The following STK3 variants were observed in gnomAD, a reference collection of about 807,000 sequenced individuals.
STK3 encodes serine/threonine-protein kinase 3.
Under a neutral mutation model 58.0 loss-of-function variants are expected in STK3, and 41 were observed. That is an observed-to-expected ratio of 0.71 (90% CI 0.55 to 0.92). The LOEUF is 0.92. Ranked by LOEUF, STK3 falls within the 40% of genes least tolerant of loss-of-function variation. The pLI is 0.00. For synonymous variants in STK3, 170 were observed against 191.0 expected, an observed-to-expected ratio of 0.89 and a Z score of 0.91; for missense variants, 479 against 602.7, an observed-to-expected ratio of 0.79 and a Z score of 2.15.
At chr8:98,476,405 G>A (rs1052672950) in intron 10 of STK3, among the ~76,000 whole-genome samples, 3 of 152,154 alleles carry the variant, frequency 2.0e-5, no homozygotes, top group Non-Finnish European at 2.9e-5. Flanking sequence ...ACACTGACAC[G>A]GGGTCACTGT....
intron 6 of STK3, among the ~76,000 whole-genome samples, chr8:98,660,183 A>G (rs796717370): frequency 3.3e-5 from 5 of 152,182 alleles, no homozygotes; most frequent in African/African-American, 1.2e-4. Context: ...AAAATACTCT[A>G]TGATTACACT....
chr8:98,410,629 C>T (rs1818043654), intron 3 of STK3, among the ~76,000 whole-genome samples: 1 of 152,156 alleles, frequency 6.6e-6, no homozygotes. Flanking sequence ...AACACTGACA[C>T]CATCTCTCTT....
chr8:98,446,437 G>A (rs1347024361), intron 1 of STK3, among the ~76,000 whole-genome samples: 1 of 152,192 alleles, frequency 6.6e-6, no homozygotes, highest in Non-Finnish European at 1.5e-5. Context: ...GTGCCAGGTA[G>A]TGTTTGAAGG....
intron 1 of STK3, among the ~76,000 whole-genome samples, chr8:98,793,984 G>A (rs927529801): frequency 6.6e-6 from 1 of 152,116 alleles, no homozygotes; most frequent in Non-Finnish European, 1.5e-5. Flanking sequence ...AAATCAAAAA[G>A]TTCTTTGAAA....
chr8:98,816,269 C>T (rs1834533769), intron 1 of STK3, among the ~76,000 whole-genome samples: 1 of 152,214 alleles, frequency 6.6e-6, no homozygotes, highest in African/African-American at 2.4e-5. Flanking sequence ...ATAATCCCAA[C>T]ACTTGGGGAG....
intron 1 of STK3, among the ~76,000 whole-genome samples, chr8:98,930,310 T>G (rs1221815379): frequency 6.6e-6 from 1 of 152,186 alleles, no homozygotes; most frequent in African/African-American, 2.4e-5. Flanking sequence ...AAACTGCAGC[T>G]GCCGCCCCAG....
At chr8:98,393,935 T>C in intron 3 of STK3, among the ~76,000 whole-genome samples, 1 of 152,222 alleles carries the variant, frequency 6.6e-6, no homozygotes, top group East Asian at 1.9e-4. Flanking sequence ...ATTTCTTTTA[T>C]AGCACTAACT....
chr8:98,857,715 A>C (rs1836733521), intron 3 of STK3, among the ~76,000 whole-genome samples: 1 of 152,260 alleles, frequency 6.6e-6, no homozygotes, highest in African/African-American at 2.4e-5. Context: ...ATAGAAGCTG[A>C]ATGAGTATTT....
chr8:98,755,822 C>A (rs575804792), intron 3 of STK3, among the ~76,000 whole-genome samples: 26 of 152,270 alleles, frequency 1.7e-4, no homozygotes, highest in Non-Finnish European at 2.6e-4. Context: ...ATTTTATCCT[C>A]AGTAGCTCTC....
chr8:98,503,082 C>A (rs1030806726), intron 10 of STK3, among the ~76,000 whole-genome samples: 7 of 152,072 alleles, frequency 4.6e-5, no homozygotes, highest in South Asian at 2.1e-4. Flanking sequence ...AATTTCAGAG[C>A]GTGTTATTGG....
At chr8:98,798,368 CAG>C (rs1329473255) in intron 1 of STK3, among the ~76,000 whole-genome samples, 1 of 152,126 alleles carries the variant, frequency 6.6e-6, no homozygotes, top group African/African-American at 2.4e-5. Flanking sequence ...ATATAATGTA[CAG>C]AGTTTCATCT....
At chr8:98,936,995 C>T (rs546906818) in intron 1 of STK3, among the ~76,000 whole-genome samples, 8 of 152,332 alleles carry the variant, frequency 5.3e-5, no homozygotes, top group African/African-American at 1.9e-4. Context: ...GGGGGCTTCT[C>T]ATACTGGTAT....
At chr8:98,679,139 C>A (rs1423958301) in intron 6 of STK3, among the ~76,000 whole-genome samples, 1 of 152,212 alleles carries the variant, frequency 6.6e-6, no homozygotes, top group Non-Finnish European at 1.5e-5. Flanking sequence ...AGTCTCCTAA[C>A]TAGTCTATGT....
intron 3 of STK3, among the ~76,000 whole-genome samples, chr8:98,878,016 C>T (rs912390251): frequency 1.3e-5 from 2 of 151,920 alleles, no homozygotes; most frequent in Non-Finnish European, 2.9e-5. Flanking sequence ...CAAATCATAA[C>T]CAAATTTGTT....
At chr8:98,890,158 T>C (rs538805828) in intron 1 of STK3, among the ~76,000 whole-genome samples, 2 of 152,298 alleles carry the variant, frequency 1.3e-5, no homozygotes, top group South Asian at 4.1e-4. Context: ...AAGTACCCAG[T>C]TGTCCTGGCT....
intron 1 of STK3, among the ~76,000 whole-genome samples, chr8:98,916,242 C>T (rs1184181572): frequency 6.6e-6 from 1 of 152,090 alleles, no homozygotes; most frequent in Non-Finnish European, 1.5e-5. Flanking sequence ...TGGTGAAACC[C>T]GTCTCTACTA....
chr8:98,630,773 A>AGAAGAG (rs202064178), intron 6 of STK3, among the ~76,000 whole-genome samples: 28 of 151,740 alleles, frequency 1.8e-4, no homozygotes, highest in African/African-American at 6.3e-4. Context: ...AACAAGAAGA[A>AGAAGAG]GAAGAGGAAG....
intron 1 of STK3, among the ~76,000 whole-genome samples, chr8:98,793,827 A>C (rs1173441887): frequency 6.6e-6 from 1 of 152,128 alleles, no homozygotes; most frequent in Admixed American, 6.5e-5. Flanking sequence ...CAAAAAAAAA[A>C]CAAAATCATA....
chr8:98,362,536 G>A, the STK3 span, among the ~76,000 whole-genome samples: 1 of 152,140 alleles, frequency 6.6e-6, no homozygotes, highest in Non-Finnish European at 1.5e-5. Context: ...GCGATACTGT[G>A]GGGGGACACT....
Sources: gnomAD v4.1 joint callset for allele counts (sites outside exome capture counted in the v4.1 genomes callset) on GRCh38, gnomAD v4.1.1 for gene constraint, MANE v1.5 for transcripts, NCBI Gene and HGNC (gene_info 2026-07-23, HGNC 2026-07-21) for gene names.